MAPK4: variants seen among roughly 807,000 people sequenced by gnomAD.
MAPK4 encodes mitogen-activated protein kinase 4.
A neutral mutation model predicts 47.7 loss-of-function variants in MAPK4; 22 were observed. The observed-to-expected ratio is 0.46, with a 90% CI of 0.33 to 0.66. The LOEUF (loss-of-function observed/expected upper bound fraction) is 0.66. MAPK4 is among the 30% of genes least tolerant of loss of function. The pLI, the probability that MAPK4 is intolerant of heterozygous loss-of-function variation, is 0.02. For missense variants in MAPK4, 736 were observed against 831.7 expected (o/e 0.88, Z 1.42); for synonymous variants, 390 against 365.7 (o/e 1.07, Z -0.76).
chr18:50,659,222 A>T (rs1231660797), intron 1 of MAPK4, among the ~76,000 whole-genome samples: 3 of 152,180 alleles, frequency 2.0e-5, no homozygotes, highest in Non-Finnish European at 2.9e-5. Context: ...ACTCATTAGG[A>T]TCATGAGCCT....
intron 1 of MAPK4, among the ~76,000 whole-genome samples, chr18:50,637,246 C>T (rs754388569): frequency 7.2e-5 from 11 of 152,090 alleles, no homozygotes; most frequent in South Asian, 2.1e-4. Context: ...TTTTATTGAG[C>T]GCATAGCATG....
chr18:50,597,944 C>G (rs968951890), intron 1 of MAPK4, among the ~76,000 whole-genome samples: 1 of 152,220 alleles, frequency 6.6e-6, no homozygotes, highest in Non-Finnish European at 1.5e-5. Flanking sequence ...TAAAGCATCT[C>G]TATCTCTTTG....
chr18:50,704,761 T>C (rs918446953), intron 2 of MAPK4: 1 of 398,556 alleles, frequency 2.5e-6, no homozygotes, highest in Admixed American at 4.4e-5. Context: ...GTCGTTACCC[T>C]CCCTGCCTCT....
intron 1 of MAPK4, among the ~76,000 whole-genome samples, chr18:50,651,324 G>T (rs1373871641): frequency 6.6e-6 from 1 of 152,142 alleles, no homozygotes; most frequent in Non-Finnish European, 1.5e-5. Flanking sequence ...TCACCTGGAG[G>T]CTGACCAGTT....
chr18:50,609,454 G>T (rs2149376528), intron 1 of MAPK4, among the ~76,000 whole-genome samples: 1 of 152,112 alleles, frequency 6.6e-6, no homozygotes, highest in South Asian at 2.1e-4. Flanking sequence ...GGAAACTGAG[G>T]CTCATGTAGG....
chr18:50,646,106 G>A (rs1346284573), intron 1 of MAPK4, among the ~76,000 whole-genome samples: 5 of 152,214 alleles, frequency 3.3e-5, no homozygotes, highest in African/African-American at 7.2e-5. Context: ...CGAGGAAACT[G>A]AGGCTCAACA....
chr18:50,682,249 T>A (rs1908629841), intron 2 of MAPK4, among the ~76,000 whole-genome samples: 1 of 152,156 alleles, frequency 6.6e-6, no homozygotes. Context: ...TGAAAAAAAT[T>A]TTAAGAGATA....
intron 2 of MAPK4, among the ~76,000 whole-genome samples, chr18:50,700,890 G>A (rs1239429721): frequency 6.6e-6 from 1 of 152,174 alleles, no homozygotes; most frequent in African/African-American, 2.4e-5. Flanking sequence ...TAAGGTGACA[G>A]AGGAGGAAAT....
Position 50,655,103 on chromosome 18 carries a change from C to T in MAPK4, c.-870-7986C>T, listed in dbSNP as rs148065151. ...CTCCTGTTTCTTTCTCAGCAGTGTC[C>T]CCACAGGCGTGTTCTTTAGAAAACC... On this transcript the variant is annotated intron_variant, in intron 1 of 5. Coordinates refer to ENST00000400384, the MANE Select transcript of MAPK4 (RefSeq NM_002747.4). Among the ~76,000 whole-genome samples the T allele has an allele frequency of 6.0e-3, 908 of 152,246 alleles. 9 individuals carry two copies. Among genetic ancestry groups the T allele is most frequent in the African/African-American group, 0.017 (723 of 41,550 alleles).
intron 1 of MAPK4, among the ~76,000 whole-genome samples, chr18:50,595,486 G>A (rs891004320): frequency 3.9e-5 from 6 of 152,174 alleles, no homozygotes; most frequent in South Asian, 2.1e-4. Context: ...AAGAACAAAC[G>A]AAACTAATAC....
intron 1 of MAPK4, among the ~76,000 whole-genome samples, chr18:50,614,099 G>A (rs1044956962): frequency 3.3e-5 from 5 of 152,140 alleles, no homozygotes; most frequent in Non-Finnish European, 5.9e-5. Flanking sequence ...TATTATGCCT[G>A]TTGGGTATTC....
chr18:50,616,193 G>A (rs889575750), intron 1 of MAPK4, among the ~76,000 whole-genome samples: 6 of 152,118 alleles, frequency 3.9e-5, no homozygotes, highest in African/African-American at 1.2e-4. Flanking sequence ...AAAGGGTGGG[G>A]CTTCTAATGC....
At position 50,694,664 on chromosome 18, in the gene MAPK4, T is replaced by A. The variant is rs543612715; in HGVS notation, c.547-20415T>A. 2.6e-5 allele frequency among the ~76,000 whole-genome samples: 4 copies of A among 152,308 alleles called. No individual in the cohort carries two copies. The East Asian group carries it at 7.7e-4, about 29-fold the overall frequency. The stretch of plus-strand genomic sequence containing the variant: ...CCATGACTGGCCCTCAGGAAGTTGT[T>A]TGAGTAGAGAGGCCTTTGGTGACCC... On this transcript the variant is annotated intron_variant, in intron 2 of 5. Transcript: ENST00000400384.
At chr18:50,713,847 CTA>C (rs1568093507) in intron 2 of MAPK4, among the ~76,000 whole-genome samples, 1 of 152,174 alleles carries the variant, frequency 6.6e-6, no homozygotes, top group Non-Finnish European at 1.5e-5. Flanking sequence ...ATGGGATGCT[CTA>C]TGATTTCCAG....
chr18:50,653,409 T>A (rs1279876876), intron 1 of MAPK4, among the ~76,000 whole-genome samples: 2 of 152,168 alleles, frequency 1.3e-5, no homozygotes, highest in Non-Finnish European at 2.9e-5. Flanking sequence ...GGATGTCAGT[T>A]CCCAAGATGA....
intron 1 of MAPK4, among the ~76,000 whole-genome samples, chr18:50,651,454 C>G (rs1432862061): frequency 6.6e-6 from 1 of 152,174 alleles, no homozygotes; most frequent in Non-Finnish European, 1.5e-5. Context: ...ATTCCTTGTT[C>G]CTAGGAGATC....
rs527886985 is a variant in MAPK4 at position 50,608,985 on chromosome 18, T to A, written c.-871+48742T>A. On this transcript the variant is annotated intron_variant, in intron 1 of 5. Coordinates refer to ENST00000400384, the MANE Select transcript of MAPK4 (RefSeq NM_002747.4). ...GAAGCACATCTTGCACCACCCTTAA[T>A]CCATTTAACCCTGAGTGGACACAGC... Among the ~76,000 whole-genome samples the A allele has an allele frequency of 3.3e-5, 5 of 152,120 alleles. No individual in the cohort carries two copies. The East Asian group carries it at 9.7e-4, about 29-fold the overall frequency.
intron 1 of MAPK4, among the ~76,000 whole-genome samples, chr18:50,571,425 TAGA>T (rs935618292): frequency 6.6e-6 from 1 of 152,190 alleles, no homozygotes; most frequent in African/African-American, 2.4e-5. Flanking sequence ...TCTGTTCTCC[TAGA>T]AGATGTGCCC....
chr18:50,685,915 T>C (rs1488270452), intron 2 of MAPK4, among the ~76,000 whole-genome samples: 1 of 151,944 alleles, frequency 6.6e-6, no homozygotes, highest in East Asian at 1.9e-4. Context: ...GATACAATCA[T>C]GGCATGCAGA....
Sources: allele counts gnomAD v4.1 joint callset (sites outside exome capture counted in the v4.1 genomes callset), GRCh38; gene constraint gnomAD v4.1.1; transcripts MANE v1.5; gene names NCBI Gene and HGNC (gene_info 2026-07-23, HGNC 2026-07-21).